Variants in IQGAP1 observed in about 807,000 individuals in gnomAD.
The protein encoded by IQGAP1 is ras GTPase-activating-like protein IQGAP1.
A neutral mutation model predicts 215.6 loss-of-function variants in IQGAP1; 66 were observed. That is an observed-to-expected ratio of 0.31 (90% CI 0.25 to 0.38). The LOEUF is 0.38. Among genes scored for constraint, IQGAP1 ranks in the 10% least tolerant of loss-of-function variants. The probability of loss-of-function intolerance (pLI) is 1.00; values close to 1 mark genes in which losing one functional copy is unlikely to be tolerated. For synonymous variants in IQGAP1, 772 were observed against 728.7 expected, an observed-to-expected ratio of 1.06 and a Z score of -0.96; for missense variants, 1,712 against 1,997.1, an observed-to-expected ratio of 0.86 and a Z score of 2.72.
chr15:90,414,775 C>T (rs1216499407), intron 2 of IQGAP1, among the ~76,000 whole-genome samples: 3 of 152,126 alleles, frequency 2.0e-5, no homozygotes, highest in African/African-American at 7.2e-5. Flanking sequence ...GGTCTCCCTC[C>T]TGAGACCTGT....
At position 90,472,865 on chromosome 15, in the gene IQGAP1, C is replaced by T. The variant is rs1385522193; in HGVS notation, c.2204C>T (p.Ala735Val). Reference protein sequence around the residue: ...IQSSISGVTAAYNREQLWLAN... With the variant: ...IQSSISGVTAVYNREQLWLAN... ...AGTTCTATCTCTGGGGTGACTGCCGCATATAACCGAGAACAGCTGTGGCTG... is the reference window on the plus strand; with the variant it reads ...AGTTCTATCTCTGGGGTGACTGCCGTATATAACCGAGAACAGCTGTGGCTG... The change falls in exon 19 of 38, where the codon GCA becomes GTA. Residue 735 changes from alanine (A) to valine (V), a missense_variant. Around this residue, in one of 2 missense-constraint regions of IQGAP1, gnomAD observed 1,021 missense variants for 1,074.2 expected, o/e 0.95. Coordinates refer to ENST00000268182, the MANE Select transcript of IQGAP1 (RefSeq NM_003870.4). 6 of 1,613,094 alleles carry T rather than the reference C, an allele frequency of 3.7e-6. No homozygotes were observed. Among genetic ancestry groups the T allele is most frequent in the Non-Finnish European group, 5.1e-6 (6 of 1,179,410 alleles).
At position 90,448,726 on chromosome 15, in the gene IQGAP1, A is replaced by G. The variant is rs1302705727; in HGVS notation, c.1067A>G (p.Gln356Arg). ...YLKQLLSDKQQKRQSGQTDPL... is the reference protein window; with the variant it reads ...YLKQLLSDKQRKRQSGQTDPL... ...AAGCAGCTCCTGAGTGATAAACAGCAGAAGAGACAGGTAAACATAGTCTGG... is the reference window on the plus strand; with the variant it reads ...AAGCAGCTCCTGAGTGATAAACAGCGGAAGAGACAGGTAAACATAGTCTGG... Residue 356 changes from glutamine (Q) to arginine (R), a missense_variant, in exon 10 of 38, where the codon CAG (glutamine) becomes CGG (arginine). By Grantham distance (43) the Gln-to-Arg change is conservative. Coordinates refer to ENST00000268182, the MANE Select transcript of IQGAP1 (RefSeq NM_003870.4). 6.3e-7 allele frequency: 1 copy of G among 1,589,830 alleles called. No homozygotes were observed. The highest frequency in any genetic ancestry group is 1.4e-5 in the African/African-American group (1 of 73,858).
At chr15:90,491,912 A>G (rs957566273) in intron 34 of IQGAP1, among the ~76,000 whole-genome samples, 8 of 152,234 alleles carry the variant, frequency 5.3e-5, no homozygotes, top group African/African-American at 1.9e-4. Flanking sequence ...GGTGAGGACT[A>G]AGAGTTTAGG....
intron 2 of IQGAP1, among the ~76,000 whole-genome samples, chr15:90,401,105 G>A (rs559874757): frequency 1.6e-4 from 24 of 152,244 alleles, no homozygotes; most frequent in Admixed American, 5.9e-4. Flanking sequence ...TGAGTTAGCC[G>A]AGTGAAGTGC....
At chr15:90,389,589 C>A (rs1447692994) in intron 1 of IQGAP1, among the ~76,000 whole-genome samples, 2 of 152,018 alleles carry the variant, frequency 1.3e-5, no homozygotes, top group Non-Finnish European at 2.9e-5. Context: ...GCCTCGACCT[C>A]CCAAAGTGTG....
chr15:90,438,663 T>G (rs1965404300), intron 5 of IQGAP1, among the ~76,000 whole-genome samples: 1 of 152,196 alleles, frequency 6.6e-6, no homozygotes, highest in Non-Finnish European at 1.5e-5. Context: ...TATTTAAAAC[T>G]TATTGATTAC....
At chr15:90,434,773 A>G (rs1307665266) in intron 5 of IQGAP1, among the ~76,000 whole-genome samples, 1 of 152,012 alleles carries the variant, frequency 6.6e-6, no homozygotes, top group Non-Finnish European at 1.5e-5. Context: ...CTCCAATTAT[A>G]GCATTGAGGG....
At chr15:90,404,875 C>T (rs1964856295) in intron 2 of IQGAP1, among the ~76,000 whole-genome samples, 1 of 152,232 alleles carries the variant, frequency 6.6e-6, no homozygotes, top group African/African-American at 2.4e-5. Flanking sequence ...GCCACCTCAC[C>T]TGGCCATTGT....
chr15:90,456,914 G>A (rs1302850083), intron 15 of IQGAP1, among the ~76,000 whole-genome samples: 2 of 140,786 alleles, frequency 1.4e-5, no homozygotes, highest in East Asian at 2.0e-4. Flanking sequence ...ATATATATGT[G>A]TGTGTGTGTG....
chr15:90,404,327 A>G (rs1002217469), intron 2 of IQGAP1, among the ~76,000 whole-genome samples: 1 of 152,224 alleles, frequency 6.6e-6, no homozygotes, highest in Non-Finnish European at 1.5e-5. Context: ...AGAGTATTAC[A>G]GATTTTTTAC....
At chr15:90,457,595 A>ATTTTTTTTTTT (rs34550575) in intron 15 of IQGAP1, among the ~76,000 whole-genome samples, 5 of 131,374 alleles carry the variant, frequency 3.8e-5, no homozygotes, top group Non-Finnish European at 4.8e-5. Flanking sequence ...CCTGGCTAAA[A>ATTTTTTTTTTT]TTTTTTTTTT....
chr15:90,388,634 G>A (rs1477077975), intron 1 of IQGAP1, among the ~76,000 whole-genome samples: 1 of 152,132 alleles, frequency 6.6e-6, no homozygotes, highest in Non-Finnish European at 1.5e-5. Flanking sequence ...CTGGGGCCGC[G>A]GTAGGGGGAG....
At chr15:90,477,589 G>A in intron 25 of IQGAP1, 76 bp from the exon 26 acceptor site, 1 of 1,043,038 alleles carries the variant, frequency 9.6e-7, no homozygotes, top group East Asian at 2.4e-5. Context: ...CAGGGAGATA[G>A]GATCTTTAAG....
intron 2 of IQGAP1, among the ~76,000 whole-genome samples, chr15:90,414,741 T>C (rs1461469805): frequency 6.6e-6 from 1 of 152,178 alleles, no homozygotes; most frequent in African/African-American, 2.4e-5. Flanking sequence ...GGTGCCATTT[T>C]CCAGATTTAG....
intron 7 of IQGAP1, among the ~76,000 whole-genome samples, chr15:90,441,204 A>G (rs1462640177): frequency 6.6e-6 from 1 of 152,134 alleles, no homozygotes; most frequent in Non-Finnish European, 1.5e-5. Context: ...ATTAAGGCAG[A>G]TATCTCCAGA....
chr15:90,456,867 G>A (rs1262166829), intron 15 of IQGAP1, among the ~76,000 whole-genome samples: 1 of 149,504 alleles, frequency 6.7e-6, no homozygotes, highest in Non-Finnish European at 1.5e-5. Context: ...CAGTCTGGGG[G>A]ACAGAGTAAG....
chr15:90,467,706 A>G (rs1965850983), intron 18 of IQGAP1, 114 bp downstream of exon 18: 1 of 1,081,868 alleles, frequency 9.2e-7, no homozygotes, highest in African/African-American at 1.6e-5. Flanking sequence ...AATTGAGGTT[A>G]TGTAATGAGC....
chr15:90,453,870 A>G (rs915398407), intron 13 of IQGAP1, among the ~76,000 whole-genome samples: 7 of 152,184 alleles, frequency 4.6e-5, no homozygotes, highest in African/African-American at 1.7e-4. Context: ...ATATTGCCTC[A>G]TATCAATAGG....
intron 5 of IQGAP1, among the ~76,000 whole-genome samples, chr15:90,438,677 A>G (rs1965404604): frequency 6.6e-6 from 1 of 152,156 alleles, no homozygotes; most frequent in Admixed American, 6.5e-5. Flanking sequence ...TGATTACAGG[A>G]AGGCAAACAA....
Sources: allele counts gnomAD v4.1 joint callset (sites outside exome capture counted in the v4.1 genomes callset), GRCh38; gene constraint gnomAD v4.1.1; regional missense constraint gnomAD v4.1.1; transcripts MANE v1.5; gene names NCBI Gene and HGNC (gene_info 2026-07-23, HGNC 2026-07-21).